The following DMXL1 variants were observed in gnomAD, a reference collection of about 807,000 sequenced individuals.
DMXL1 encodes the protein Dmx like 1, also known as dmX-like protein 1.
In DMXL1, 99 loss-of-function variants were observed where a neutral mutation model predicts 319.2. That is an observed-to-expected ratio of 0.31 (90% CI 0.26 to 0.37). The LOEUF (loss-of-function observed/expected upper bound fraction) is 0.37. Ranked by LOEUF, DMXL1 falls within the 10% of genes least tolerant of loss-of-function variation. DMXL1 has a pLI of 1.00. For synonymous variants in DMXL1, 1,385 were observed against 1,235.2 expected (o/e 1.12, Z -2.54); for missense variants, 3,745 against 3,595.6 (o/e 1.04, Z -1.06).
At chr5:119,088,600 T>C (rs1379826162) in intron 1 of DMXL1, among the ~76,000 whole-genome samples, 1 of 152,198 alleles carries the variant, frequency 6.6e-6, no homozygotes, top group Non-Finnish European at 1.5e-5. Context: ...GGTTAAATGC[T>C]CTTCTCTGTT....
intron 5 of DMXL1, among the ~76,000 whole-genome samples, chr5:119,111,079 G>A (rs773906555): frequency 2.0e-4 from 31 of 152,296 alleles, no homozygotes; most frequent in Non-Finnish European, 2.6e-4. Flanking sequence ...GTGAGCCACC[G>A]TGCTCAGCCT....
intron 15 of DMXL1, among the ~76,000 whole-genome samples, chr5:119,145,356 G>T (rs1173047856): frequency 6.6e-6 from 1 of 151,516 alleles, no homozygotes; most frequent in Non-Finnish European, 1.5e-5. Context: ...TTAGAGTTCT[G>T]CACTTTTATG....
intron 2 of DMXL1, among the ~76,000 whole-genome samples, 173 bp downstream of exon 2, chr5:119,098,277 CTT>C (rs1756435477): frequency 1.3e-5 from 2 of 152,092 alleles, no homozygotes; most frequent in Non-Finnish European, 2.9e-5. Context: ...CAGAAATTCT[CTT>C]CTTATATAAT....
intron 26 of DMXL1, among the ~76,000 whole-genome samples, chr5:119,176,384 C>T (rs1298802389): frequency 6.6e-6 from 1 of 151,972 alleles, no homozygotes; most frequent in Non-Finnish European, 1.5e-5. Context: ...GCCTTACTTA[C>T]CACTCTGGTT....
At chr5:119,184,093 G>T (rs774427689) in intron 28 of DMXL1, among the ~76,000 whole-genome samples, 4 of 147,486 alleles carry the variant, frequency 2.7e-5, no homozygotes, top group Non-Finnish European at 5.9e-5. Flanking sequence ...TTGCTCTGTC[G>T]CCCAGGCTGG....
chr5:119,219,367 C>G (rs1174948889), intron 35 of DMXL1, among the ~76,000 whole-genome samples: 1 of 152,192 alleles, frequency 6.6e-6, no homozygotes, highest in Non-Finnish European at 1.5e-5. Flanking sequence ...ACTTATAAAA[C>G]ATGCAGAATT....
At chr5:119,170,006 T>G (rs1029398737) in intron 23 of DMXL1, among the ~76,000 whole-genome samples, 184 bp from the exon 24 acceptor site, 2 of 152,210 alleles carry the variant, frequency 1.3e-5, no homozygotes, top group African/African-American at 4.8e-5. Flanking sequence ...TCCTACTTTG[T>G]TAGAACATGT....
intron 19 of DMXL1, among the ~76,000 whole-genome samples, chr5:119,163,932 G>A (rs888530657): frequency 5.3e-5 from 8 of 151,938 alleles, no homozygotes; most frequent in South Asian, 2.1e-4. Flanking sequence ...GACTGGTCTC[G>A]AACTTCTGAC....
intron 5 of DMXL1, among the ~76,000 whole-genome samples, chr5:119,112,188 C>G (rs1218549621): frequency 6.6e-6 from 1 of 152,188 alleles, no homozygotes; most frequent in Non-Finnish European, 1.5e-5. Flanking sequence ...GTCTCAATCT[C>G]CTGACCTCGT....
chr5:119,199,742 A>G (rs993436113), intron 32 of DMXL1, among the ~76,000 whole-genome samples: 9 of 152,146 alleles, frequency 5.9e-5, no homozygotes, highest in African/African-American at 7.2e-5. Context: ...TTTTTTATAA[A>G]TAATCTGTTA....
intron 1 of DMXL1, among the ~76,000 whole-genome samples, chr5:119,090,655 C>T (rs569527865): frequency 6.8e-4 from 103 of 151,354 alleles, no homozygotes; most frequent in African/African-American, 2.3e-3. Context: ...CTCTGCCTCC[C>T]GTGTTCAAGC....
intron 1 of DMXL1, among the ~76,000 whole-genome samples, chr5:119,090,941 G>T (rs1208650572): frequency 6.6e-6 from 1 of 151,914 alleles, no homozygotes; most frequent in East Asian, 1.9e-4. Flanking sequence ...CTTCTATGGA[G>T]AGCCTCTAAT....
rs150588093 is a variant in DMXL1 at position 119,150,011 on chromosome 5, C to T, written c.4184C>T (p.Thr1395Ile). 1.9e-6 allele frequency: 3 copies of T among 1,613,918 alleles called. No individual in the cohort carries two copies. The highest frequency in any genetic ancestry group is 2.5e-6 in the Non-Finnish European group (3 of 1,179,904). ...DPQAFNKAEN[T>I]DYTEIDSVPP... ...CAGGCATTCAACAAGGCTGAAAATA[C>T]AGATTACACAGAAATAGATTCTGTT... Residue 1395 changes from threonine (T) to isoleucine (I), a missense_variant, in exon 18 of 44, where the codon ACA (threonine) becomes ATA (isoleucine). By Grantham distance (89) the Thr-to-Ile change is moderately conservative. Around this residue, in one of 4 missense-constraint regions of DMXL1, gnomAD observed 2,096 missense variants for 1,985.4 expected, o/e 1.06. Coordinates refer to ENST00000539542, the MANE Select transcript of DMXL1 (RefSeq NM_001290321.3).
intron 4 of DMXL1, among the ~76,000 whole-genome samples, chr5:119,109,122 T>C (rs1448393490): frequency 6.6e-6 from 1 of 152,188 alleles, no homozygotes; most frequent in African/African-American, 2.4e-5. Context: ...TTTCTATAGT[T>C]AATTAACCAG....
intron 1 of DMXL1, 91 bp downstream of exon 1, chr5:119,071,747 G>C: frequency 1.6e-6 from 2 of 1,254,232 alleles, no homozygotes; most frequent in Non-Finnish European, 2.2e-6. Context: ...GCAGAGGCGC[G>C]AGGTCTTGTC....
At chr5:119,132,926 C>T in intron 10 of DMXL1, 1 of 610,446 alleles carries the variant, frequency 1.6e-6, no homozygotes, top group South Asian at 2.0e-5. Flanking sequence ...TTAAGCATTA[C>T]ATTTACTGGT....
intron 5 of DMXL1, among the ~76,000 whole-genome samples, chr5:119,111,986 A>C (rs6895651): frequency 0.18 from 26,824 of 151,972 alleles, 3,122 homozygotes; most frequent in East Asian, 0.36. Flanking sequence ...TTTGAGACGA[A>C]GTCTCGCTCT....
In DMXL1 at chr5:119,149,063, G is replaced by A. The variant is rs754202172; in HGVS notation, c.3236G>A (p.Ser1079Asn). The stretch of plus-strand genomic sequence containing the variant: ...TCCCAGGACTTTGTGATGCATGTAA[G>A]TATTTTTGAATGTGAGTCAACAGGA... ...RSSQDFVMHV[S>N]IFECESTGGS... Residue 1079 changes from serine to asparagine, a missense_variant, in exon 18 of 44, where the codon AGT becomes AAT. Coordinates refer to ENST00000539542, the MANE Select transcript of DMXL1 (RefSeq NM_001290321.3). 5 of 1,613,806 alleles carry A rather than the reference G, an allele frequency of 3.1e-6. No individual in the cohort carries two copies. The highest frequency in any genetic ancestry group is 4.5e-5 in the East Asian group (2 of 44,880).
chr5:119,130,157 G>C (rs551577500), intron 10 of DMXL1, among the ~76,000 whole-genome samples: 2 of 151,784 alleles, frequency 1.3e-5, no homozygotes, highest in African/African-American at 4.8e-5. Context: ...ATGATCATTA[G>C]GTAAGAAAAA....
Sources: gnomAD v4.1 joint callset for allele counts (sites outside exome capture counted in the v4.1 genomes callset) on GRCh38, gnomAD v4.1.1 for gene constraint, gnomAD v4.1.1 regional missense constraint, MANE v1.5 for transcripts, NCBI Gene and HGNC (gene_info 2026-07-23, HGNC 2026-07-21) for gene names.